SAP130: variants seen among roughly 807,000 people sequenced by gnomAD.
SAP130 encodes Sin3A associated protein 130.
In SAP130, 16 loss-of-function variants were observed where a neutral mutation model predicts 103.2. The ratio of observed to expected loss-of-function variants is 0.16; its 90% CI spans 0.10 to 0.24. The LOEUF is 0.24. Among genes scored for constraint, SAP130 ranks in the 10% least tolerant of loss-of-function variants. The pLI, the probability that SAP130 is intolerant of heterozygous loss-of-function variation, is 1.00. For synonymous variants in SAP130, 477 were observed against 497.0 expected, an observed-to-expected ratio of 0.96 and a Z score of 0.53; for missense variants, 990 against 1,359.7, an observed-to-expected ratio of 0.73 and a Z score of 4.28.
In SAP130 at chr2:127,976,905, AAACG is replaced by A. The variant is rs1331457553; in HGVS notation, c.2063+1076_2063+1079del. On this transcript the variant is annotated intron_variant, in intron 15 of 20. Coordinates refer to ENST00000643581, the MANE Select transcript of SAP130 (RefSeq NM_001330301.2). ...ACAGAGCAAGACTCTGTCTCAAAAC[AAACG>A]AACAAACAAAAAGAATCTATCAATC... Among the ~76,000 whole-genome samples, 8 of 152,060 alleles carry A rather than the reference AAACG, an allele frequency of 5.3e-5. No homozygotes were observed. The East Asian group carries it at 7.7e-4, about 15-fold the overall frequency.
chr2:127,973,000 C>T (rs553165472), intron 15 of SAP130, among the ~76,000 whole-genome samples: 11 of 152,122 alleles, frequency 7.2e-5, no homozygotes, highest in Non-Finnish European at 1.3e-4. Flanking sequence ...AACTGTGGCA[C>T]CAACACACCT....
intron 7 of SAP130, among the ~76,000 whole-genome samples, chr2:128,000,827 A>T (rs574879731): frequency 6.6e-6 from 1 of 152,308 alleles, no homozygotes; most frequent in East Asian, 1.9e-4. Flanking sequence ...GCTTGTGCCC[A>T]GGAAGTCAGG....
intron 13 of SAP130, 55 bp from the exon 14 acceptor site, chr2:127,987,017 T>C (rs1190197670): frequency 8.1e-6 from 12 of 1,476,050 alleles, no homozygotes; most frequent in Admixed American, 1.9e-5. Context: ...CAAAATGCCA[T>C]AGAAGACATA....
rs376522182 is a variant in SAP130, at chr2:127,953,879, TATAC to T, written c.2422+1103_2422+1106del. 2.0e-5 allele frequency among the ~76,000 whole-genome samples: 3 copies of T among 152,172 alleles called. No individual in the cohort carries two copies. The highest frequency in any genetic ancestry group is 4.8e-5 in the African/African-American group (2 of 41,428). On this transcript the variant is annotated intron_variant, in intron 16 of 20. Coordinates refer to ENST00000643581, the MANE Select transcript of SAP130 (RefSeq NM_001330301.2). The surrounding 1 kb of genome is among the most constrained non-coding windows in gnomAD (Gnocchi z 4.0). Reference sequence around the variant, plus strand: ...ATAGAACTTATCACCCAAACATATATATACATACATACATACATATATAATTTAG... The same window carrying T: ...ATAGAACTTATCACCCAAACATATATATACATACATACATATATAATTTAG...
chr2:127,946,517 G>T (rs1247037727), intron 18 of SAP130, among the ~76,000 whole-genome samples: 2 of 152,038 alleles, frequency 1.3e-5, no homozygotes, highest in East Asian at 3.9e-4. Flanking sequence ...TTTAGCTTTT[G>T]TTGTGGGTTG....
chr2:127,987,700 T>C (rs1682500039), intron 13 of SAP130, among the ~76,000 whole-genome samples: 1 of 152,134 alleles, frequency 6.6e-6, no homozygotes, highest in African/African-American at 2.4e-5. Context: ...TAGAAAACAC[T>C]ATCTACCAGC....
At chr2:128,014,964 T>C (rs1425738540) in intron 4 of SAP130, 50 bp from the exon 5 acceptor site, 1 of 1,509,432 alleles carries the variant, frequency 6.6e-7, no homozygotes, top group African/African-American at 1.4e-5. Context: ...CTCTTAGCCA[T>C]TGCCTCTAGG....
At chr2:128,011,541 T>C (rs1684396988) in intron 6 of SAP130, among the ~76,000 whole-genome samples, 1 of 152,172 alleles carries the variant, frequency 6.6e-6, no homozygotes, top group Non-Finnish European at 1.5e-5. Context: ...AGCACCAGCT[T>C]CCTCACTCGG....
intron 15 of SAP130, among the ~76,000 whole-genome samples, chr2:127,976,447 C>T (rs963589024): frequency 6.6e-6 from 1 of 152,200 alleles, no homozygotes; most frequent in Non-Finnish European, 1.5e-5. Context: ...TGCTCTATAG[C>T]CCCACATCCT....
intron 12 of SAP130, among the ~76,000 whole-genome samples, chr2:127,992,285 C>CTT (rs747417050): frequency 7.0e-4 from 87 of 123,528 alleles, no homozygotes; most frequent in African/African-American, 2.4e-3. Context: ...GGCAATAAGG[C>CTT]TTTTTTTTTT....
Position 127,986,762 on chromosome 2 carries a change from T to A in SAP130, c.1958+23A>T, listed in dbSNP as rs1168143748. On this transcript the variant is annotated intron_variant, in intron 14 of 20. Coordinates refer to ENST00000643581, the MANE Select transcript of SAP130 (RefSeq NM_001330301.2). The surrounding 1 kb of genome is among the most constrained non-coding windows in gnomAD (Gnocchi z 4.7). Reference sequence around the variant, plus strand: ...TTATATCCAGAACCAGAGGTGTCATTCGGCACTACCAGGTCTACTCACCCA... The same window carrying A: ...TTATATCCAGAACCAGAGGTGTCATACGGCACTACCAGGTCTACTCACCCA... 5 of 1,607,112 alleles carry A rather than the reference T, an allele frequency of 3.1e-6. No individual in the cohort carries two copies. The highest frequency in any genetic ancestry group is 4.3e-6 in the Non-Finnish European group (5 of 1,174,804).
At position 127,983,820 on chromosome 2, in the gene SAP130, G is replaced by GTTTTTTTTTTTTTTTTTTTTT. The variant is rs1455013059; in HGVS notation, c.1958+2964_1958+2965insAAAAAAAAAAAAAAAAAAAAA. ...AGTTTTGGTAATTTTCTATTACTTT[G>GTTTTTTTTTTTTTTTTTTTTT]TTGTTTTTTTTTTTTTTTTTTTTTT... On this transcript the variant is annotated intron_variant, in intron 14 of 20. Coordinates refer to ENST00000643581, the MANE Select transcript of SAP130 (RefSeq NM_001330301.2). Among the ~76,000 whole-genome samples the GTTTTTTTTTTTTTTTTTTTTT allele has an allele frequency of 1.8e-5, 2 of 112,354 alleles. 1 individual carries two copies. 73.7% of individuals were successfully genotyped at this position (112,354 alleles called of 152,430 possible).
In SAP130 at chr2:127,949,892, C is replaced by T. The variant is rs750830763; in HGVS notation, c.2774G>A (p.Arg925Lys). 1 of 1,614,100 alleles carries T rather than the reference C, an allele frequency of 6.2e-7. No homozygotes were observed. The highest frequency in any genetic ancestry group is 8.5e-7 in the Non-Finnish European group (1 of 1,180,010). Residue 925 changes from arginine to lysine, a missense_variant, in exon 18 of 21, where the codon AGG (arginine) becomes AAG (lysine). Around this residue, in one of 6 missense-constraint regions of SAP130, gnomAD observed 69 missense variants for 165.7 expected, o/e 0.42. Coordinates refer to ENST00000643581, the MANE Select transcript of SAP130 (RefSeq NM_001330301.2). ...PWKAAYHHFQ[R>K]YSDVRVKEEK... is the part of the protein sequence containing the mutation. ...ACCTTTGACCCGGACGTCACTGTAC[C>T]TCTGAAAGTGGTGGTAAGCAGCTTT...
intron 18 of SAP130, among the ~76,000 whole-genome samples, chr2:127,948,328 G>GTTTTTTTTT (rs71307269): frequency 3.0e-5 from 3 of 101,536 alleles, no homozygotes; most frequent in Admixed American, 1.1e-4. Context: ...TTTCCTGTGA[G>GTTTTTTTTT]TTTTTTTTTT....
intron 6 of SAP130, among the ~76,000 whole-genome samples, chr2:128,012,664 A>G (rs1684482647): frequency 6.6e-6 from 1 of 152,040 alleles, no homozygotes; most frequent in Non-Finnish European, 1.5e-5. Context: ...TGGAATATAC[A>G]TAGATATACA....
chr2:127,957,424 C>T (rs1389163414), intron 15 of SAP130, among the ~76,000 whole-genome samples: 1 of 152,180 alleles, frequency 6.6e-6, no homozygotes, highest in Non-Finnish European at 1.5e-5. Flanking sequence ...CCTATAATCC[C>T]AGTGCTTTGG....
At chr2:127,943,581 T>C (rs1248715422) in intron 19 of SAP130, among the ~76,000 whole-genome samples, 1 of 152,206 alleles carries the variant, frequency 6.6e-6, no homozygotes, top group African/African-American at 2.4e-5. Context: ...CAAGGAATAG[T>C]GCGGGAAACT....
intron 11 of SAP130, among the ~76,000 whole-genome samples, chr2:127,994,541 G>A (rs894291396): frequency 1.4e-4 from 21 of 152,280 alleles, no homozygotes; most frequent in African/African-American, 3.1e-4. Flanking sequence ...GCAGTGAGCC[G>A]AGACTGCACC....
chr2:127,971,584 G>T (rs958175101), intron 15 of SAP130, among the ~76,000 whole-genome samples: 3 of 152,106 alleles, frequency 2.0e-5, no homozygotes, highest in African/African-American at 7.2e-5. Flanking sequence ...ACCGTGCCCC[G>T]CCACCCACTT....
Sources: allele counts gnomAD v4.1 joint callset (sites outside exome capture counted in the v4.1 genomes callset), GRCh38; gene constraint gnomAD v4.1.1; regional missense constraint gnomAD v4.1.1; non-coding constraint Gnocchi (gnomAD v3.1); transcripts MANE v1.5; gene names NCBI Gene and HGNC (gene_info 2026-07-23, HGNC 2026-07-21).